The following TMEM132C variants were observed in gnomAD, a reference collection of about 807,000 sequenced individuals.
The protein encoded by TMEM132C is protein phosphatase 1, regulatory subunit 152.
TMEM132C carries 29 observed loss-of-function variants against 61.4 expected under a neutral mutation model. The observed-to-expected ratio is 0.47, with a 90% CI of 0.35 to 0.64. The LOEUF (loss-of-function observed/expected upper bound fraction) is 0.64, where lower values mean the gene tolerates loss of function less well. Among genes scored for constraint, TMEM132C ranks in the 30% least tolerant of loss-of-function variants. TMEM132C has a pLI of 0.00. For synonymous variants in TMEM132C, 656 were observed against 633.1 expected, an observed-to-expected ratio of 1.04 and a Z score of -0.54; for missense variants, 1,408 against 1,476.9, an observed-to-expected ratio of 0.95 and a Z score of 0.76.
At chr12:128,360,751 C>T (rs955518959) in intron 1 of TMEM132C, among the ~76,000 whole-genome samples, 8 of 152,172 alleles carry the variant, frequency 5.3e-5, no homozygotes, top group Non-Finnish European at 1.0e-4. Context: ...TTTTCCATCA[C>T]GGAAGCTTTA....
At position 128,339,304 on chromosome 12, in the gene TMEM132C, T is replaced by TGG. The variant is rs543841156; in HGVS notation, c.85+71819_85+71820dup. ...TTAAGTTCATCTGGGAGGGCAGCCA[T>TGG]GGGAGCCCAGGGGGTTGGAGGTCTG... On this transcript the variant is annotated intron_variant, in intron 1 of 8. Transcript: ENST00000435159. 5.9e-5 allele frequency among the ~76,000 whole-genome samples: 9 copies of TGG among 151,934 alleles called. No individual in the cohort carries two copies. The South Asian group carries it at 1.7e-3, about 28-fold the overall frequency.
intron 1 of TMEM132C, among the ~76,000 whole-genome samples, chr12:128,364,653 G>A (rs1939338572): frequency 6.6e-6 from 1 of 152,180 alleles, no homozygotes; most frequent in South Asian, 2.1e-4. Context: ...CAGAGACCCG[G>A]GTGGCAGTTG....
chr12:128,307,205 T>A (rs533695775), intron 1 of TMEM132C, among the ~76,000 whole-genome samples: 12 of 152,182 alleles, frequency 7.9e-5, no homozygotes, highest in Non-Finnish European at 1.6e-4. Flanking sequence ...TTTCATAGAC[T>A]TACCCTCCCT....
intron 1 of TMEM132C, among the ~76,000 whole-genome samples, chr12:128,289,673 G>A (rs1871195831): frequency 6.6e-6 from 1 of 152,126 alleles, no homozygotes; most frequent in Non-Finnish European, 1.5e-5. Flanking sequence ...TTTCTAATTT[G>A]CAGTCTGCCC....
rs1056395666 is a variant in TMEM132C, at chr12:128,326,053, A to C, written c.85+58566A>C. ...CTCAGGACATGGCCAGTATTCACACAGTATTGGAATGAACGAGTAAATGAA... is the reference window on the plus strand; with the variant it reads ...CTCAGGACATGGCCAGTATTCACACCGTATTGGAATGAACGAGTAAATGAA... On this transcript the variant is annotated intron_variant, in intron 1 of 8. Transcript: ENST00000435159. This position sits in a 1 kb window ranked among gnomAD's most constrained non-coding sequence, Gnocchi z 5.6. Among the ~76,000 whole-genome samples the C allele has an allele frequency of 6.6e-6, 1 of 152,086 alleles. No individual in the cohort carries two copies. The highest frequency in any genetic ancestry group is 1.5e-5 in the Non-Finnish European group (1 of 68,028).
chr12:128,566,327 AT>A (rs1380132057), intron 3 of TMEM132C, among the ~76,000 whole-genome samples: 1 of 152,212 alleles, frequency 6.6e-6, no homozygotes, highest in African/African-American at 2.4e-5. Flanking sequence ...TAGAAAAAAA[AT>A]GATTGACATT....
At chr12:128,632,388 C>T (rs1954071225) in intron 4 of TMEM132C, among the ~76,000 whole-genome samples, 1 of 152,174 alleles carries the variant, frequency 6.6e-6, no homozygotes, top group Non-Finnish European at 1.5e-5. Context: ...TTAGCTCTTC[C>T]TCCATGTTCA....
At chr12:128,577,969 A>C (rs1176470900) in intron 3 of TMEM132C, among the ~76,000 whole-genome samples, 1 of 152,256 alleles carries the variant, frequency 6.6e-6, no homozygotes, top group Admixed American at 6.5e-5. Context: ...TCATTAGTAC[A>C]TACTATTATT....
At chr12:128,491,508 A>C (rs1482301837) in intron 2 of TMEM132C, among the ~76,000 whole-genome samples, 2 of 152,176 alleles carry the variant, frequency 1.3e-5, no homozygotes, top group Admixed American at 6.5e-5. Flanking sequence ...TTTGGCTGGC[A>C]TAAAAATTGC....
At chr12:128,694,692 G>C (rs1954745089) in intron 6 of TMEM132C, among the ~76,000 whole-genome samples, 1 of 152,194 alleles carries the variant, frequency 6.6e-6, no homozygotes. Flanking sequence ...TCTCATAAGA[G>C]AGAGCATTTC....
chr12:128,272,152 T>C (rs1222149269), intron 1 of TMEM132C, among the ~76,000 whole-genome samples: 1 of 152,228 alleles, frequency 6.6e-6, no homozygotes, highest in Non-Finnish European at 1.5e-5. Context: ...ACGTGCCCAT[T>C]ACTCTCCAAA....
At chr12:128,427,051 A>C (rs1207556539) in intron 2 of TMEM132C, among the ~76,000 whole-genome samples, 3 of 152,162 alleles carry the variant, frequency 2.0e-5, no homozygotes. Flanking sequence ...TTTCAGAAAC[A>C]TGCTGGGTAC....
chr12:128,501,488 C>T (rs1365363795), intron 2 of TMEM132C, among the ~76,000 whole-genome samples: 1 of 152,168 alleles, frequency 6.6e-6, no homozygotes, highest in African/African-American at 2.4e-5. Context: ...ATAATGGTTA[C>T]AGCTTGAGAC....
intron 1 of TMEM132C, among the ~76,000 whole-genome samples, chr12:128,368,323 G>C (rs897705737): frequency 6.6e-6 from 1 of 152,206 alleles, no homozygotes; most frequent in East Asian, 1.9e-4. Context: ...GCAAGGTAGC[G>C]CAGTGGTTAT....
At chr12:128,676,975 C>G (rs1185926557) in intron 5 of TMEM132C, among the ~76,000 whole-genome samples, 1 of 152,172 alleles carries the variant, frequency 6.6e-6, no homozygotes, top group Non-Finnish European at 1.5e-5. Context: ...GATTCACATT[C>G]AAGAGGTGAA....
chr12:128,578,637 A>G (rs377342639), intron 3 of TMEM132C, among the ~76,000 whole-genome samples: 4 of 152,114 alleles, frequency 2.6e-5, no homozygotes, highest in African/African-American at 7.2e-5. Context: ...TTGCTCTGTC[A>G]CCCAGACTGG....
At chr12:128,629,582 G>A (rs1565996552) in intron 4 of TMEM132C, among the ~76,000 whole-genome samples, 2 of 152,318 alleles carry the variant, frequency 1.3e-5, no homozygotes, top group East Asian at 1.9e-4. Flanking sequence ...AAGGGGAGAT[G>A]GGGAGTTATG....
At chr12:128,482,813 A>G (rs1871355614) in intron 2 of TMEM132C, among the ~76,000 whole-genome samples, 1 of 151,702 alleles carries the variant, frequency 6.6e-6, no homozygotes, top group Admixed American at 6.6e-5. Flanking sequence ...CTCTCCTCCC[A>G]CCCATGAATC....
At chr12:128,508,351 A>G (rs1466873792) in intron 2 of TMEM132C, among the ~76,000 whole-genome samples, 1 of 152,142 alleles carries the variant, frequency 6.6e-6, no homozygotes, top group Non-Finnish European at 1.5e-5. Flanking sequence ...ACAACTCAAG[A>G]TGAGATTTGG....
Sources: gnomAD v4.1 joint callset for allele counts (sites outside exome capture counted in the v4.1 genomes callset) on GRCh38, gnomAD v4.1.1 for gene constraint, Gnocchi (gnomAD v3.1) non-coding constraint, MANE v1.5 for transcripts, NCBI Gene and HGNC (gene_info 2026-07-23, HGNC 2026-07-21) for gene names.